Variants in PRR7 observed in about 807,000 individuals in gnomAD.
PRR7 encodes the protein proline rich 7, synaptic.
A neutral mutation model predicts 18.5 loss-of-function variants in PRR7; 8 were observed. The ratio of observed to expected loss-of-function variants is 0.43; its 90% CI spans 0.25 to 0.78. The LOEUF is 0.78. PRR7 is among the 30% of genes least tolerant of loss of function. The pLI is 0.22. For synonymous variants in PRR7, 221 were observed against 187.7 expected (o/e 1.18, Z -1.45); for missense variants, 396 against 403.1 (o/e 0.98, Z 0.15).
At chr5:177,446,276 G>A (rs1171030682), upstream of PRR7, 1 of 152,360 alleles carries the variant, frequency 6.6e-6, no homozygotes, top group African/African-American at 2.4e-5. The surrounding 1 kb of genome is among the most constrained non-coding windows in gnomAD (Gnocchi z 5.3). Context: ...CAGGGCTGTG[G>A]GTTCGGCACT....
rs537150907 is a variant in PRR7, at chr5:177,450,565, A to G, written c.-324-3391A>G. On this transcript the variant is annotated intron_variant, in intron 1 of 3. Transcript: ENST00000323249. This position sits in a 1 kb window ranked among gnomAD's most constrained non-coding sequence, Gnocchi z 6.6. The stretch of plus-strand genomic sequence containing the variant: ...AACGAGCCCTCCAGCATCTCCTTCC[A>G]TAGGTGGTTCTTGAGCCAATTACTG... Among the ~76,000 whole-genome samples, 82 of 152,280 alleles carry G rather than the reference A, an allele frequency of 5.4e-4. No individual in the cohort carries two copies. The highest frequency in any genetic ancestry group is 9.0e-4 in the Non-Finnish European group (61 of 68,004).
Position 177,449,758 on chromosome 5 carries a change from G to C in PRR7, c.-325+2798G>C, listed in dbSNP as rs538084479. The stretch of plus-strand genomic sequence containing the variant: ...CTCAGTCTCTGTGGTCTTATTTGTA[G>C]TTTCCCAAGCCCTGGGTTCCTGGCT... On this transcript the variant is annotated intron_variant, in intron 1 of 3. Coordinates refer to ENST00000323249, the MANE Select transcript of PRR7 (RefSeq NM_030567.5). This position sits in a 1 kb window ranked among gnomAD's most constrained non-coding sequence, Gnocchi z 4.2. 6.6e-6 allele frequency among the ~76,000 whole-genome samples: 1 copy of C among 152,200 alleles called. No individual in the cohort carries two copies. Among genetic ancestry groups the C allele is most frequent in the African/African-American group, 2.4e-5 (1 of 41,514 alleles).
In PRR7 at chr5:177,455,427, C is replaced by T. The variant is rs780599253; in HGVS notation, c.360C>T (p.His120=). Reference sequence around the variant, plus strand: ...ACGCGCACCCACACCCGCACCACCACGCGCTCCCGCACCCGCCGCCTACGC... The same window carrying T: ...ACGCGCACCCACACCCGCACCACCATGCGCTCCCGCACCCGCCGCCTACGC... ...HAHAHPHPHH[H]ALPHPPPTHL... The change falls in exon 3 of 4, where the codon CAC becomes CAT. Residue 120 remains histidine (H), a synonymous_variant. Transcript: ENST00000323249. This position sits in a 1 kb window ranked among gnomAD's most constrained non-coding sequence, Gnocchi z 6.9. 1.3e-6 allele frequency: 2 copies of T among 1,506,382 alleles called. No homozygotes were observed. The highest frequency in any genetic ancestry group is 1.2e-5 in the South Asian group (1 of 81,260). 93.3% of individuals were successfully genotyped at this position (1,506,382 alleles called of 1,614,324 possible).
chr5:177,455,224 G>T lies in PRR7; in HGVS notation c.157G>T (p.Ala53Ser), dbSNP rs746388371. The T allele has an allele frequency of 2.3e-5, 36 of 1,561,582 alleles. No homozygotes were observed. The highest frequency in any genetic ancestry group is 2.9e-5 in the Non-Finnish European group (34 of 1,162,504). Residue 53 changes from alanine to serine, a missense_variant, in exon 3 of 4, where the codon GCC becomes TCC. Transcript: ENST00000323249. This position sits in a 1 kb window ranked among gnomAD's most constrained non-coding sequence, Gnocchi z 6.9. ...GCGACTGCGCGAGCAGAACCTGCGC[G>T]CCCTAGAGCTGGAGCCCCTCGAACT... ...EERLREQNLRALELEPLELEG... is the reference protein window; with the variant it reads ...EERLREQNLRSLELEPLELEG...
At chr5:177,452,689 A>G (rs1756218301) in intron 1 of PRR7, among the ~76,000 whole-genome samples, 1 of 152,142 alleles carries the variant, frequency 6.6e-6, no homozygotes, top group African/African-American at 2.4e-5. Flanking sequence ...CTTTGGCCCA[A>G]AGTTGCCTAG....
rs1035347029 is a variant in PRR7, at chr5:177,456,185, T to G, written c.*64T>G. The G allele has an allele frequency of 9.2e-7, 1 of 1,086,780 alleles. No individual in the cohort carries two copies. 67.3% of individuals were successfully genotyped at this position (1,086,780 alleles called of 1,614,324 possible). On this transcript the variant is annotated 3_prime_UTR_variant, in exon 4 of 4. Transcript: ENST00000323249. ...TGGCCTGACTGCGGGGCTTTTTAAA[T>G]GCTTCCCTGGACTGCGGGGAGGGGC...
In PRR7 at chr5:177,455,652, C is replaced by T; in HGVS notation, c.428-72C>T. 2 of 1,438,294 alleles carry T rather than the reference C, an allele frequency of 1.4e-6. No individual in the cohort carries two copies. The highest frequency in any genetic ancestry group is 1.8e-6 in the Non-Finnish European group (2 of 1,093,252). The allele number at this position is 1,438,294 out of a possible 1,614,324, so 89.1% of individuals were successfully genotyped here. A position where few individuals can be genotyped will look rare whatever the true frequency, so the allele number is the denominator to read the frequency against. Reference sequence around the variant, plus strand: ...GGGCTAGGGCTGGGGCGCGGGCGGCCCCTGGCCGGGGCCTCTGCGAGAGGC... The same window carrying T: ...GGGCTAGGGCTGGGGCGCGGGCGGCTCCTGGCCGGGGCCTCTGCGAGAGGC... On this transcript the variant is annotated intron_variant, in intron 3 of 3. Transcript: ENST00000323249. The surrounding 1 kb of genome is among the most constrained non-coding windows in gnomAD (Gnocchi z 6.9).
In PRR7 at chr5:177,454,083, T is replaced by C; in HGVS notation, c.-240+43T>C. The C allele has an allele frequency of 6.6e-6, 1 of 152,256 alleles. No homozygotes were observed. The highest frequency in any genetic ancestry group is 1.5e-5 in the Non-Finnish European group (1 of 68,100). 9.4% of individuals were successfully genotyped at this position (152,256 alleles called of 1,614,324 possible). A position where few individuals can be genotyped will look rare whatever the true frequency, so the allele number is the denominator to read the frequency against. On this transcript the variant is annotated intron_variant, in intron 2 of 3. Coordinates refer to ENST00000323249, the MANE Select transcript of PRR7 (RefSeq NM_030567.5). The surrounding 1 kb of genome is among the most constrained non-coding windows in gnomAD (Gnocchi z 4.7). ...GCTTCCAACCCTCATCTAGTTTTCC[T>C]CCCCTCCGCGAGAGGGAAAGGGAGA...
In PRR7 at chr5:177,449,835, T is replaced by C. The variant is rs1756101250; in HGVS notation, c.-325+2875T>C. Among the ~76,000 whole-genome samples the C allele has an allele frequency of 6.6e-6, 1 of 152,094 alleles. No homozygotes were observed. The highest frequency in any genetic ancestry group is 2.4e-5 in the African/African-American group (1 of 41,408). The stretch of plus-strand genomic sequence containing the variant: ...GCAAGCAAGGGTGCTTGCCACTCAG[T>C]ACCCTGGCCTAGGCGGAGGGCGGTT... On this transcript the variant is annotated intron_variant, in intron 1 of 3. Coordinates refer to ENST00000323249, the MANE Select transcript of PRR7 (RefSeq NM_030567.5). This position sits in a 1 kb window ranked among gnomAD's most constrained non-coding sequence, Gnocchi z 4.2.
At chr5:177,446,725 G>C (rs1378658060), upstream of PRR7, 1 of 151,920 alleles carries the variant, frequency 6.6e-6, no homozygotes, top group South Asian at 2.1e-4. This position sits in a 1 kb window ranked among gnomAD's most constrained non-coding sequence, Gnocchi z 5.3. Context: ...TGTGGCTGGG[G>C]GTGCGGGGCC....
rs200850428 is a variant in PRR7 at position 177,450,810 on chromosome 5, A to G, written c.-324-3146A>G. On this transcript the variant is annotated intron_variant, in intron 1 of 3. Transcript: ENST00000323249. This position sits in a 1 kb window ranked among gnomAD's most constrained non-coding sequence, Gnocchi z 6.6. Reference sequence around the variant, plus strand: ...TGCTGGAAATTTGTTTAAAATGCAAACTCGGGCCCCATCCTAGACCTACTG... The same window carrying G: ...TGCTGGAAATTTGTTTAAAATGCAAGCTCGGGCCCCATCCTAGACCTACTG... 2.0e-5 allele frequency among the ~76,000 whole-genome samples: 3 copies of G among 152,114 alleles called. No homozygotes were observed. The East Asian group carries it at 5.8e-4, about 29-fold the overall frequency.
rs879260950 is a variant in PRR7 at position 177,454,512 on chromosome 5, G to A, written c.-239-317G>A. Among the ~76,000 whole-genome samples the A allele has an allele frequency of 3.3e-5, 5 of 152,188 alleles. No homozygotes were observed. The highest frequency in any genetic ancestry group is 7.4e-5 in the Non-Finnish European group (5 of 68,014). On this transcript the variant is annotated intron_variant, in intron 2 of 3. Transcript: ENST00000323249. The surrounding 1 kb of genome is among the most constrained non-coding windows in gnomAD (Gnocchi z 4.7). ...GCGCACAGGCTCCTGAAACCCTTTG[G>A]CCCCGGGACTGCGGATGGCGAATCT...
rs887546185 is a variant in PRR7, at chr5:177,454,318, G to T, written c.-240+278G>T. 6.6e-6 allele frequency among the ~76,000 whole-genome samples: 1 copy of T among 152,258 alleles called. No individual in the cohort carries two copies. Among genetic ancestry groups the T allele is most frequent in the Non-Finnish European group, 1.5e-5 (1 of 68,044 alleles). On this transcript the variant is annotated intron_variant, in intron 2 of 3. Coordinates refer to ENST00000323249, the MANE Select transcript of PRR7 (RefSeq NM_030567.5). This position sits in a 1 kb window ranked among gnomAD's most constrained non-coding sequence, Gnocchi z 4.7. ...CTGAGCCCCCCTACGGGAGCGGCGG[G>T]AGACCCGGAGGGCGCGGTGCGGAGC...
intron 1 of PRR7, chr5:177,447,676 C>T (rs1049928725): frequency 1.3e-5 from 2 of 152,198 alleles, no homozygotes; most frequent in African/African-American, 4.8e-5. Context: ...CATCCCTCCT[C>T]CTCCTCACGG....
intron 1 of PRR7, among the ~76,000 whole-genome samples, chr5:177,452,259 G>T (rs1161656780): frequency 6.6e-6 from 1 of 152,238 alleles, no homozygotes; most frequent in Admixed American, 6.5e-5. Flanking sequence ...GCACGTATTG[G>T]CTACTACCAG....
In PRR7 at chr5:177,455,740, C is replaced by A; in HGVS notation, c.444C>A (p.Ser148=). ...ACTCCGCAGCGGAATCGGACATGTC[C>A]AAACCACCGTGTTACGAAGAGGCGG... ...SYPRQAESDM[S]KPPCYEEAVL... is the part of the protein sequence containing the mutation. The change falls in exon 4 of 4, where the codon TCC becomes TCA. Residue 148 remains serine (S), a synonymous_variant. Transcript: ENST00000323249. The surrounding 1 kb of genome is among the most constrained non-coding windows in gnomAD (Gnocchi z 6.9). 1 of 1,602,914 alleles carries A rather than the reference C, an allele frequency of 6.2e-7. No homozygotes were observed. The highest frequency in any genetic ancestry group is 1.1e-5 in the South Asian group (1 of 89,982).
At position 177,455,056 on chromosome 5, in the gene PRR7, C is replaced by A; in HGVS notation, c.-12C>A. Reference sequence around the variant, plus strand: ...GTGAAGCGTCTGAGGACCCGCCGCCCGTGCCGCCGCCATGGTGATGTCCCA... The same window carrying A: ...GTGAAGCGTCTGAGGACCCGCCGCCAGTGCCGCCGCCATGGTGATGTCCCA... On this transcript the variant is annotated 5_prime_UTR_variant, in exon 3 of 4. Coordinates refer to ENST00000323249, the MANE Select transcript of PRR7 (RefSeq NM_030567.5). This position sits in a 1 kb window ranked among gnomAD's most constrained non-coding sequence, Gnocchi z 6.9. 1 of 1,450,080 alleles carries A rather than the reference C, an allele frequency of 6.9e-7. No homozygotes were observed. The highest frequency in any genetic ancestry group is 1.4e-5 in the South Asian group (1 of 69,334). 89.8% of individuals were successfully genotyped at this position (1,450,080 alleles called of 1,614,324 possible). A position where few individuals can be genotyped will look rare whatever the true frequency, so the allele number is the denominator to read the frequency against.
Position 177,455,801 on chromosome 5 carries a change from G to A in PRR7, c.505G>A (p.Val169Met). 7 of 1,611,794 alleles carry A rather than the reference G, an allele frequency of 4.3e-6. No individual in the cohort carries two copies. The highest frequency in any genetic ancestry group is 5.9e-6 in the Non-Finnish European group (7 of 1,179,598). ...MAEPPPPYSE[V>M]LTDTRGLYRK... is the part of the protein sequence containing the mutation. Reference sequence around the variant, plus strand: ...AGAGCCGCCGCCGCCCTATAGCGAGGTGCTCACGGACACGCGCGGCCTCTA... The same window carrying A: ...AGAGCCGCCGCCGCCCTATAGCGAGATGCTCACGGACACGCGCGGCCTCTA... Residue 169 changes from valine (V) to methionine (M), a missense_variant, in exon 4 of 4, where the codon GTG becomes ATG. By Grantham distance (21) the Val-to-Met change is conservative (BLOSUM62 1). Transcript: ENST00000323249. The surrounding 1 kb of genome is among the most constrained non-coding windows in gnomAD (Gnocchi z 6.9).
rs1054535876 is a variant in PRR7 at position 177,454,455 on chromosome 5, A to G, written c.-239-374A>G. On this transcript the variant is annotated intron_variant, in intron 2 of 3. Coordinates refer to ENST00000323249, the MANE Select transcript of PRR7 (RefSeq NM_030567.5). This position sits in a 1 kb window ranked among gnomAD's most constrained non-coding sequence, Gnocchi z 4.7. ...ACCACCCTTTCCCCGCCGCACAGCA[A>G]CGGCGCCGAGACGCCTCTTCAGGGA... Among the ~76,000 whole-genome samples the G allele has an allele frequency of 1.8e-4, 28 of 152,290 alleles. No individual in the cohort carries two copies. Among genetic ancestry groups the G allele is most frequent in the African/African-American group, 6.0e-4 (25 of 41,576 alleles).
Sources: gnomAD v4.1 joint callset for allele counts (sites outside exome capture counted in the v4.1 genomes callset) on GRCh38, gnomAD v4.1.1 for gene constraint, Gnocchi (gnomAD v3.1) non-coding constraint, MANE v1.5 for transcripts, NCBI Gene and HGNC (gene_info 2026-07-23, HGNC 2026-07-21) for gene names.